Variants in MKLN1 observed in about 807,000 individuals in gnomAD.
MKLN1 encodes muskelin 1, also known as muskelin.
In MKLN1, 18 loss-of-function variants were observed where a neutral mutation model predicts 99.0. The observed-to-expected ratio is 0.18, with a 90% confidence interval of 0.13 to 0.27. MKLN1 has a LOEUF of 0.27. Among genes scored for constraint, MKLN1 ranks in the 10% least tolerant of loss-of-function variants. MKLN1 has a pLI of 1.00. For missense variants in MKLN1, 621 were observed against 875.9 expected (o/e 0.71, Z 3.67); for synonymous variants, 288 against 293.2 (o/e 0.98, Z 0.18).
intron 3 of MKLN1, among the ~76,000 whole-genome samples, chr7:131,225,502 C>T (rs545758066): frequency 4.5e-4 from 69 of 152,246 alleles, no homozygotes; most frequent in African/African-American, 1.5e-3. Flanking sequence ...CATCTAAAAC[C>T]GGCCCTAATG....
chr7:131,436,823 C>A (rs1795688645), intron 9 of MKLN1, among the ~76,000 whole-genome samples: 1 of 152,070 alleles, frequency 6.6e-6, no homozygotes, highest in African/African-American at 2.4e-5. Context: ...ACAAGTGATA[C>A]CAGCTAATTA....
At position 131,414,692 on chromosome 7, in the gene MKLN1, G is replaced by A. The variant is rs527604905; in HGVS notation, c.829G>A (p.Val277Ile). The change falls in exon 8 of 18, where the codon GTT becomes ATT. Residue 277 changes from valine (V) to isoleucine (I), a missense_variant. Transcript: ENST00000352689. ...RPGMRGGHQM[V>I]IDVQTETVYL... ...AGGAATGAGAGGAGGCCATCAGATG[G>A]TTATTGATGTTCAAACAGGTGAGTA... The A allele has an allele frequency of 1.9e-6, 3 of 1,604,642 alleles. No homozygotes were observed. The highest frequency in any genetic ancestry group is 2.6e-6 in the Non-Finnish European group (3 of 1,175,408).
At chr7:131,161,979 A>G (rs1394511577) in intron 2 of MKLN1, among the ~76,000 whole-genome samples, 19 of 110,078 alleles carry the variant, frequency 1.7e-4, no homozygotes, top group South Asian at 7.8e-4. Flanking sequence ...ATATATATAT[A>G]TATATATATA....
intron 1 of MKLN1, among the ~76,000 whole-genome samples, chr7:131,341,360 A>G (rs1269696924): frequency 6.6e-6 from 1 of 152,176 alleles, no homozygotes; most frequent in Non-Finnish European, 1.5e-5. Flanking sequence ...TTATTCTTCC[A>G]TCCCTGAGCA....
chr7:131,338,039 G>C (rs1467054203), intron 1 of MKLN1, among the ~76,000 whole-genome samples: 1 of 152,160 alleles, frequency 6.6e-6, no homozygotes, highest in East Asian at 1.9e-4. Context: ...TCTACCTGTA[G>C]TTTGCTTCCA....
At chr7:131,466,718 C>G (rs572464106) in intron 15 of MKLN1, among the ~76,000 whole-genome samples, 19 of 152,298 alleles carry the variant, frequency 1.2e-4, no homozygotes, top group African/African-American at 4.1e-4. Flanking sequence ...TAGATCAGTT[C>G]TAACTTAATG....
At chr7:131,485,435 A>G in intron 17 of MKLN1, among the ~76,000 whole-genome samples, 1 of 152,152 alleles carries the variant, frequency 6.6e-6, no homozygotes. Context: ...AGCAAGAATC[A>G]TCAATGATTG....
intron 4 of MKLN1, among the ~76,000 whole-genome samples, chr7:131,393,011 C>T (rs963723065): frequency 2.0e-5 from 3 of 151,998 alleles, no homozygotes; most frequent in Non-Finnish European, 4.4e-5. Flanking sequence ...ATGTTCCGGC[C>T]TCAGCCTCCC....
chr7:131,348,939 A>T (rs1799638503), intron 1 of MKLN1, among the ~76,000 whole-genome samples: 1 of 152,100 alleles, frequency 6.6e-6, no homozygotes, highest in Non-Finnish European at 1.5e-5. Flanking sequence ...TTTTTTTCTC[A>T]TACAAAATGA....
intron 3 of MKLN1, among the ~76,000 whole-genome samples, chr7:131,304,725 G>T (rs1328417218): frequency 6.6e-6 from 1 of 152,086 alleles, no homozygotes; most frequent in East Asian, 1.9e-4. Context: ...TGAAATATAG[G>T]TCTTGTTTTA....
intron 1 of MKLN1, among the ~76,000 whole-genome samples, chr7:131,334,308 T>C (rs919676438): frequency 6.6e-6 from 1 of 152,160 alleles, no homozygotes; most frequent in Non-Finnish European, 1.5e-5. Context: ...CTCCCTTTTC[T>C]CCCTATCTTA....
intron 3 of MKLN1, among the ~76,000 whole-genome samples, chr7:131,304,715 T>C (rs1434100218): frequency 6.6e-6 from 1 of 152,160 alleles, no homozygotes; most frequent in Non-Finnish European, 1.5e-5. Flanking sequence ...TTTTTTCCCA[T>C]GAAATATAGG....
chr7:131,486,780 TTGA>T (rs556853820), intron 17 of MKLN1, among the ~76,000 whole-genome samples: 92 of 152,282 alleles, frequency 6.0e-4, no homozygotes, highest in Admixed American at 1.2e-3. Flanking sequence ...GATAAACCAA[TTGA>T]TGAAGACAGC....
chr7:131,213,171 GT>G (rs1320152932), intron 3 of MKLN1, among the ~76,000 whole-genome samples: 2 of 151,754 alleles, frequency 1.3e-5, no homozygotes, highest in African/African-American at 4.8e-5. Flanking sequence ...ACAATACAAA[GT>G]ATTGTTTTGT....
At position 131,327,927 on chromosome 7, in the gene MKLN1, G is replaced by C. The variant is rs780130232; in HGVS notation, c.28G>C (p.Ala10Pro). The C allele has an allele frequency of 6.2e-7, 1 of 1,613,228 alleles. No individual in the cohort carries two copies. Among genetic ancestry groups the C allele is most frequent in the Non-Finnish European group, 8.5e-7 (1 of 1,179,836 alleles). MAAGGAVAA[A>P]PECRLLPYAL... ...GGCGGCTGGCGGAGCTGTCGCTGCGGCGCCCGAGTGCCGGCTTCTCCCCTA... is the reference window on the plus strand; with the variant it reads ...GGCGGCTGGCGGAGCTGTCGCTGCGCCGCCCGAGTGCCGGCTTCTCCCCTA... The change falls in exon 1 of 18, where the codon GCG becomes CCG. Residue 10 changes from alanine (A) to proline (P), a missense_variant. By Grantham distance (27) the Ala-to-Pro change is conservative. Coordinates refer to ENST00000352689, the MANE Select transcript of MKLN1 (RefSeq NM_013255.5).
At chr7:131,243,592 A>C (rs1300349706) in intron 3 of MKLN1, among the ~76,000 whole-genome samples, 1 of 152,258 alleles carries the variant, frequency 6.6e-6, no homozygotes, top group African/African-American at 2.4e-5. Flanking sequence ...AAGATTAAAT[A>C]CAGCAAATCT....
At chr7:131,464,882 TTAGTGTCA>T (rs1796614606) in intron 14 of MKLN1, among the ~76,000 whole-genome samples, 1 of 152,234 alleles carries the variant, frequency 6.6e-6, no homozygotes, top group African/African-American at 2.4e-5. Flanking sequence ...TTGTGAATTT[TTAGTGTCA>T]TAGTGTTGAG....
chr7:131,471,693 C>G (rs1032461452), intron 16 of MKLN1: 1 of 152,232 alleles, frequency 6.6e-6, no homozygotes, highest in African/African-American at 2.4e-5. Context: ...GCCTTCCACT[C>G]ACAGAATTCG....
At position 131,275,561 on chromosome 7, in the gene MKLN1, ATATATATTTTTTTTTTTT is replaced by A. The variant is rs1268732921; in HGVS notation, c.-179+72589_-179+72606del. 3.9e-3 allele frequency among the ~76,000 whole-genome samples: 49 copies of A among 12,512 alleles called. No homozygotes were observed. The East Asian group carries it at 0.095, about 24-fold the overall frequency. 8.2% of individuals were successfully genotyped at this position (12,512 alleles called of 152,430 possible). On this transcript the variant is annotated intron_variant, in intron 3 of 7. Transcript: ENST00000416992. ...TATATATATATATATATATATATATATATATATTTTTTTTTTTTTTTTTTTTTTTTTGGTACTTTTTTG... is the reference window on the plus strand; with the variant it reads ...TATATATATATATATATATATATATATTTTTTTTTTTTTGGTACTTTTTTG...
Sources: allele counts gnomAD v4.1 joint callset (sites outside exome capture counted in the v4.1 genomes callset), GRCh38; gene constraint gnomAD v4.1.1; transcripts MANE v1.5; gene names NCBI Gene and HGNC (gene_info 2026-07-23, HGNC 2026-07-21).